LRP1B: variants seen among roughly 807,000 people sequenced by gnomAD.
LRP1B encodes the protein LDL receptor related protein 1B.
A neutral mutation model predicts 556.6 loss-of-function variants in LRP1B; 217 were observed. The ratio of observed to expected loss-of-function variants is 0.39; its 90% CI spans 0.35 to 0.44. The LOEUF is 0.44. LRP1B is among the 20% of genes least tolerant of loss of function. The probability of loss-of-function intolerance (pLI) is 1.00; values close to 1 mark genes in which losing one functional copy is unlikely to be tolerated. For synonymous variants in LRP1B, 2,047 were observed against 1,865.8 expected (o/e 1.10, Z -2.50); for missense variants, 5,053 against 5,620.8 (o/e 0.90, Z 3.23).
At chr2:141,818,995 C>G (rs1323975772) in intron 1 of LRP1B, among the ~76,000 whole-genome samples, 1 of 151,534 alleles carries the variant, frequency 6.6e-6, no homozygotes, top group African/African-American at 2.4e-5. Context: ...AATCCCAGCA[C>G]TTTGGGAGGC....
chr2:141,396,229 C>T (rs1690233014), intron 3 of LRP1B, among the ~76,000 whole-genome samples: 1 of 152,104 alleles, frequency 6.6e-6, no homozygotes, highest in East Asian at 1.9e-4. Flanking sequence ...AAAACACATA[C>T]AAGCAGATTC....
At chr2:140,985,710 G>A (rs140096142) in intron 17 of LRP1B, among the ~76,000 whole-genome samples, 3 of 151,086 alleles carry the variant, frequency 2.0e-5, no homozygotes, top group Non-Finnish European at 3.0e-5. Context: ...TCACTTCGCC[G>A]CATCCTGGAC....
chr2:141,790,292 A>G (rs1695569886), intron 2 of LRP1B, among the ~76,000 whole-genome samples: 1 of 151,096 alleles, frequency 6.6e-6, no homozygotes. Context: ...TACAATATAC[A>G]TTCTTAGATT....
intron 35 of LRP1B, among the ~76,000 whole-genome samples, chr2:140,765,582 C>T (rs1401124767): frequency 1.3e-5 from 2 of 152,082 alleles, no homozygotes; most frequent in African/African-American, 4.8e-5. Flanking sequence ...TGGAACTTTT[C>T]CAGTGAAGAG....
intron 2 of LRP1B, among the ~76,000 whole-genome samples, chr2:141,481,604 TGTGAATGTCAACA>T (rs930956573): frequency 2.0e-5 from 3 of 152,202 alleles, no homozygotes; most frequent in African/African-American, 7.2e-5. Flanking sequence ...GTAGGGTTGT[TGTGAATGTCAACA>T]GTTATTGACT....
chr2:140,464,195 AAATAATAAT>A (rs931673826), intron 60 of LRP1B, among the ~76,000 whole-genome samples: 1 of 150,776 alleles, frequency 6.6e-6, no homozygotes, highest in East Asian at 1.9e-4. Context: ...GACTTGTCTC[AAATAATAAT>A]AATAATAATA....
intron 7 of LRP1B, among the ~76,000 whole-genome samples, chr2:141,094,182 C>T (rs549825313): frequency 6.6e-6 from 1 of 152,018 alleles, no homozygotes; most frequent in Non-Finnish European, 1.5e-5. Flanking sequence ...ATTCTCATAC[C>T]TATGTGATGG....
Position 141,219,432 on chromosome 2 carries a change from G to T in LRP1B, c.850+9751C>A, listed in dbSNP as rs569949780. Among the ~76,000 whole-genome samples, 33 of 152,260 alleles carry T rather than the reference G, an allele frequency of 2.2e-4. 2 individuals carry two copies. Among genetic ancestry groups the T allele is most frequent in the Middle Eastern group, 6.8e-3 (2 of 294 alleles). ...GCTGCAACTATAGCCAGGGTTTTAT[G>T]GATAAAACTCTGATATTCCTGGGAA... On this transcript the variant is annotated intron_variant, in intron 6 of 90. Coordinates refer to ENST00000389484, the MANE Select transcript of LRP1B (RefSeq NM_018557.3).
chr2:140,745,960 A>G (rs889050914), intron 35 of LRP1B, among the ~76,000 whole-genome samples: 1 of 152,204 alleles, frequency 6.6e-6, no homozygotes, highest in East Asian at 1.9e-4. Flanking sequence ...TGTGATATGC[A>G]TTCCAACAAT....
At chr2:142,112,051 AG>A in intron 1 of LRP1B, among the ~76,000 whole-genome samples, 1 of 152,214 alleles carries the variant, frequency 6.6e-6, no homozygotes, top group Middle Eastern at 3.4e-3. Context: ...CATTACATCA[AG>A]GTGCCTTTCC....
chr2:140,345,245 A>G (rs551513600), intron 77 of LRP1B, among the ~76,000 whole-genome samples: 1 of 151,752 alleles, frequency 6.6e-6, no homozygotes, highest in South Asian at 2.1e-4. Context: ...GTGCTCTCTG[A>G]TGTCTGCCTC....
chr2:140,947,210 T>A (rs915147336), intron 20 of LRP1B, among the ~76,000 whole-genome samples: 4 of 152,220 alleles, frequency 2.6e-5, no homozygotes, highest in African/African-American at 9.6e-5. Flanking sequence ...AAAGTGATTT[T>A]AGAGAGAATA....
intron 21 of LRP1B, among the ~76,000 whole-genome samples, chr2:140,916,860 C>G (rs1042131043): frequency 6.6e-6 from 1 of 152,116 alleles, no homozygotes; most frequent in Non-Finnish European, 1.5e-5. Context: ...CTTTTCACCA[C>G]TTAAACAATA....
chr2:141,615,540 A>G (rs370779412), intron 2 of LRP1B, among the ~76,000 whole-genome samples: 2 of 148,054 alleles, frequency 1.4e-5, no homozygotes, highest in South Asian at 4.3e-4. Flanking sequence ...AATTTTCCAA[A>G]TGATTTATAA....
At chr2:140,952,001 C>A (rs560431228) in intron 18 of LRP1B, 61 bp from the exon 19 acceptor site, 1 of 1,173,128 alleles carries the variant, frequency 8.5e-7, no homozygotes, top group Non-Finnish European at 1.3e-6. Context: ...TGACATAATT[C>A]GTATCATCTG....
At chr2:141,175,531 A>T (rs1413796970) in intron 7 of LRP1B, among the ~76,000 whole-genome samples, 1 of 152,148 alleles carries the variant, frequency 6.6e-6, no homozygotes. Context: ...TTGAACCTGC[A>T]TTCACAGAAG....
chr2:141,031,688 A>C (rs1248415115), intron 11 of LRP1B, among the ~76,000 whole-genome samples: 1 of 151,982 alleles, frequency 6.6e-6, no homozygotes, highest in Non-Finnish European at 1.5e-5. Flanking sequence ...CTAGCCCCAA[A>C]TAAGACACCA....
intron 12 of LRP1B, among the ~76,000 whole-genome samples, chr2:141,019,061 A>G (rs1697991934): frequency 6.6e-6 from 1 of 152,124 alleles, no homozygotes; most frequent in Non-Finnish European, 1.5e-5. Flanking sequence ...CCAAAAAACT[A>G]TACATGTAAA....
intron 66 of LRP1B, among the ~76,000 whole-genome samples, chr2:140,387,037 TA>T (rs2105201007): frequency 6.6e-6 from 1 of 152,286 alleles, no homozygotes; most frequent in South Asian, 2.1e-4. Flanking sequence ...GGTTCTAAAG[TA>T]TCAAAATTAT....
Sources: gnomAD v4.1 joint callset for allele counts (sites outside exome capture counted in the v4.1 genomes callset) on GRCh38, gnomAD v4.1.1 for gene constraint, MANE v1.5 for transcripts, NCBI Gene and HGNC (gene_info 2026-07-23, HGNC 2026-07-21) for gene names.